Variants in PCED1B observed in about 807,000 individuals in gnomAD.
The protein encoded by PCED1B is PC-esterase domain-containing protein 1B.
For synonymous variants in PCED1B, 251 were observed against 246.1 expected, an observed-to-expected ratio of 1.02 and a Z score of -0.19; for missense variants, 573 against 573.9, an observed-to-expected ratio of 1.00 and a Z score of 0.02.
intron 2 of PCED1B, among the ~76,000 whole-genome samples, chr12:47,148,243 C>A (rs1940864236): frequency 6.6e-6 from 1 of 152,116 alleles, no homozygotes; most frequent in Admixed American, 6.5e-5. Context: ...GCCTAATAAC[C>A]TTTTAATGGT....
intron 2 of PCED1B, among the ~76,000 whole-genome samples, chr12:47,214,225 G>A (rs1321111612): frequency 6.6e-6 from 1 of 152,058 alleles, no homozygotes; most frequent in African/African-American, 2.4e-5. Flanking sequence ...CAATGCATAA[G>A]GTATGGAATT....
intron 3 of PCED1B, among the ~76,000 whole-genome samples, chr12:47,233,549 C>A (rs1426455156): frequency 6.6e-6 from 1 of 152,132 alleles, no homozygotes; most frequent in East Asian, 1.9e-4. Flanking sequence ...ATGGGGGGAG[C>A]TCATGGAAGA....
intron 2 of PCED1B, among the ~76,000 whole-genome samples, chr12:47,117,911 C>A (rs1939500538): frequency 6.6e-6 from 1 of 152,170 alleles, no homozygotes; most frequent in Non-Finnish European, 1.5e-5. Flanking sequence ...GAGATGGTAT[C>A]TCATTGTGGT....
At chr12:47,152,511 G>A (rs544212553) in intron 2 of PCED1B, among the ~76,000 whole-genome samples, 1 of 152,288 alleles carries the variant, frequency 6.6e-6, no homozygotes, top group Non-Finnish European at 1.5e-5. Flanking sequence ...AGGAGAATTA[G>A]GAGACATGAA....
At position 47,123,910 on chromosome 12, in the gene PCED1B, A is replaced by G. The variant is rs1939780844; in HGVS notation, c.-526+19715A>G. Among the ~76,000 whole-genome samples, 4 of 152,040 alleles carry G rather than the reference A, an allele frequency of 2.6e-5. No individual in the cohort carries two copies. In the South Asian group the frequency reaches 6.2e-4, roughly 24 times the overall value. ...TGGCTACTTGATATTTTATGAATGC[A>G]TCATTGTTTATTTATCCACTCCCTA... On this transcript the variant is annotated intron_variant, in intron 2 of 3. Transcript: ENST00000546455.
chr12:47,110,622 A>G (rs989000490), intron 2 of PCED1B, among the ~76,000 whole-genome samples: 1 of 152,218 alleles, frequency 6.6e-6, no homozygotes, highest in African/African-American at 2.4e-5. Flanking sequence ...GAATCTATAA[A>G]TGCAAGAGAA....
intron 3 of PCED1B, among the ~76,000 whole-genome samples, chr12:47,232,048 G>A (rs957745473): frequency 2.6e-5 from 4 of 152,164 alleles, no homozygotes; most frequent in Non-Finnish European, 5.9e-5. Flanking sequence ...CTTTTAGAGC[G>A]CAAGACCATA....
At chr12:47,146,246 G>C (rs914764926) in intron 2 of PCED1B, among the ~76,000 whole-genome samples, 3 of 152,186 alleles carry the variant, frequency 2.0e-5, no homozygotes, top group African/African-American at 7.2e-5. Flanking sequence ...AACAAATGAG[G>C]AGTTGCTTCT....
intron 3 of PCED1B, among the ~76,000 whole-genome samples, chr12:47,221,160 T>A (rs1217656749): frequency 2.6e-5 from 4 of 152,096 alleles, no homozygotes; most frequent in African/African-American, 9.7e-5. Flanking sequence ...AGACACACTT[T>A]TTAAGGACTA....
chr12:47,147,366 A>G (rs1940830404), intron 2 of PCED1B, among the ~76,000 whole-genome samples: 1 of 152,062 alleles, frequency 6.6e-6, no homozygotes, highest in Middle Eastern at 3.2e-3. Flanking sequence ...CATAAACACA[A>G]TTCGGCCCTA....
chr12:47,234,475 G>A (rs981229839), intron 3 of PCED1B, among the ~76,000 whole-genome samples: 1 of 152,144 alleles, frequency 6.6e-6, no homozygotes, highest in South Asian at 2.1e-4. Flanking sequence ...TCCTTTCAAT[G>A]TTATCTATGC....
chr12:47,119,476 G>C (rs753759750), intron 2 of PCED1B, among the ~76,000 whole-genome samples: 3 of 150,760 alleles, frequency 2.0e-5, no homozygotes, highest in Admixed American at 6.6e-5. Context: ...TGAGAGGATT[G>C]CTTGAGCTCA....
intron 2 of PCED1B, among the ~76,000 whole-genome samples, chr12:47,184,911 A>G (rs193010724): frequency 1.4e-3 from 209 of 152,332 alleles, no homozygotes; most frequent in African/African-American, 4.7e-3. Context: ...GCAGAGGTTA[A>G]GTAACCTGGA....
intron 2 of PCED1B, among the ~76,000 whole-genome samples, chr12:47,132,840 A>C (rs1486995453): frequency 6.6e-6 from 1 of 152,214 alleles, no homozygotes; most frequent in African/African-American, 2.4e-5. Context: ...AACTGGTACA[A>C]ATATCTAGCC....
intron 2 of PCED1B, among the ~76,000 whole-genome samples, chr12:47,137,600 A>G (rs915588607): frequency 1.3e-5 from 2 of 151,726 alleles, no homozygotes; most frequent in Non-Finnish European, 2.9e-5. Context: ...ACGGTGGTGC[A>G]CTCCTGTAGT....
chr12:47,234,012 C>T (rs1943893282), intron 3 of PCED1B, among the ~76,000 whole-genome samples: 1 of 151,926 alleles, frequency 6.6e-6, no homozygotes, highest in East Asian at 1.9e-4. Context: ...TTTTCTGAGA[C>T]GGAGTTTCTC....
At chr12:47,100,834 G>A (rs1282664285) in intron 1 of PCED1B, among the ~76,000 whole-genome samples, 4 of 152,152 alleles carry the variant, frequency 2.6e-5, no homozygotes, top group South Asian at 2.1e-4. Flanking sequence ...TTAGGAGGCC[G>A]AGGGGGGCAG....
chr12:47,227,941 C>T (rs748640102), intron 3 of PCED1B, among the ~76,000 whole-genome samples: 3 of 151,976 alleles, frequency 2.0e-5, no homozygotes, highest in Non-Finnish European at 2.9e-5. Context: ...GTTAAGTGAA[C>T]TGGTTAGGAT....
intron 2 of PCED1B, among the ~76,000 whole-genome samples, chr12:47,171,065 CTTT>C (rs71437788): frequency 2.5e-5 from 3 of 121,328 alleles, no homozygotes; most frequent in Admixed American, 9.0e-5. Context: ...GCCAGGTTAC[CTTT>C]TTTTTTTTTT....
Sources: gnomAD v4.1 joint callset for allele counts (sites outside exome capture counted in the v4.1 genomes callset) on GRCh38, gnomAD v4.1.1 for gene constraint, MANE v1.5 for transcripts, NCBI Gene and HGNC (gene_info 2026-07-23, HGNC 2026-07-21) for gene names.